CRB2: variants seen among roughly 807,000 people sequenced by gnomAD.
The protein encoded by CRB2 is protein crumbs homolog 2.
In CRB2, 85 loss-of-function variants were observed where a neutral mutation model predicts 110.9. The ratio of observed to expected loss-of-function variants is 0.77; its 90% CI spans 0.64 to 0.92. The LOEUF is 0.92. Ranked by LOEUF, CRB2 falls within the 40% of genes least tolerant of loss-of-function variation. The pLI, the probability that CRB2 is intolerant of heterozygous loss-of-function variation, is 0.00. For synonymous variants in CRB2, 907 were observed against 831.0 expected (o/e 1.09, Z -1.57); for missense variants, 1,843 against 1,851.3 (o/e 1.00, Z 0.08).
chr9:123,365,610 C>T (rs2041919629), intron 2 of CRB2, among the ~76,000 whole-genome samples: 2 of 152,204 alleles, frequency 1.3e-5, no homozygotes, highest in South Asian at 2.1e-4. Flanking sequence ...TTCCCAAGAC[C>T]CAACCCCTTT....
rs780409716 is a variant in CRB2 at position 123,373,432 on chromosome 9, G to A, written c.2901G>A (p.Ala967=). 2.5e-4 allele frequency: 357 copies of A among 1,447,984 alleles called. No homozygotes were observed. The highest frequency in any genetic ancestry group is 3.1e-4 in the Non-Finnish European group (346 of 1,106,132). The allele number at this position is 1,447,984 out of a possible 1,614,324, so 89.7% of individuals were successfully genotyped here. ...TGCGTCTGGCCATGGAGCGCCCGGC[G>A]GCCACCACCTCGCGCTGGCTGCTGT... ...HRVRLAMERP[A]ATTSRWLLWL... is the part of the protein sequence containing the mutation. The change falls in exon 10 of 13, where the codon GCG becomes GCA. Residue 967 remains alanine, a synonymous_variant. Coordinates refer to ENST00000373631, the MANE Select transcript of CRB2 (RefSeq NM_173689.7).
intron 6 of CRB2, chr9:123,368,854 G>C (rs2041975246): frequency 7.9e-7 from 1 of 1,261,236 alleles, no homozygotes. Flanking sequence ...CCCAGCCTCA[G>C]TGCCCGCCCA....
rs759838902 is a variant in CRB2 at position 123,375,266 on chromosome 9, G to A, written c.3556G>A (p.Gly1186Ser). ...TGAAGCCAACCCCTGCTTGAATGGG[G>A]GCACCTGCCGGGCAGCTGGAGGGGT... The part of the protein sequence containing the change: ...PCEANPCLNG[G>S]TCRAAGGVSE... Residue 1186 changes from glycine (G) to serine (S), a missense_variant, in exon 12 of 13, where the codon GGC becomes AGC. Physicochemically the swap from Gly to Ser is moderately conservative, Grantham distance 56. Coordinates refer to ENST00000373631, the MANE Select transcript of CRB2 (RefSeq NM_173689.7). 2.5e-6 allele frequency: 4 copies of A among 1,612,290 alleles called. No individual in the cohort carries two copies. Among genetic ancestry groups the A allele is most frequent in the African/African-American group, 1.3e-5 (1 of 74,886 alleles).
In CRB2 at chr9:123,370,440, C is replaced by A; in HGVS notation, c.1387C>A (p.Leu463Met). 1 of 1,613,456 alleles carries A rather than the reference C, an allele frequency of 6.2e-7. No individual in the cohort carries two copies. Among genetic ancestry groups the A allele is most frequent in the Non-Finnish European group, 8.5e-7 (1 of 1,180,014 alleles). The change falls in exon 7 of 13, where the codon CTG becomes ATG. Residue 463 changes from leucine to methionine, a missense_variant. Leu to Met is a conservative substitution (Grantham distance 15, BLOSUM62 2). Coordinates refer to ENST00000373631, the MANE Select transcript of CRB2 (RefSeq NM_173689.7). The part of the protein sequence containing the change: ...VPAGGPLGLA[L>M]RFRTTLPAGT... ...AGCTGGTGGCCCCCTGGGTCTGGCACTGAGGTTTCGCACCACACTGCCCGC... is the reference window on the plus strand; with the variant it reads ...AGCTGGTGGCCCCCTGGGTCTGGCAATGAGGTTTCGCACCACACTGCCCGC...
chr9:123,360,359 A>T (rs1057478397), intron 1 of CRB2, among the ~76,000 whole-genome samples: 1 of 152,128 alleles, frequency 6.6e-6, no homozygotes, highest in African/African-American at 2.4e-5. Context: ...TTGTAAAGAT[A>T]AGCACAGGCC....
At chr9:123,376,358 T>C (rs1373322093) in intron 12 of CRB2, among the ~76,000 whole-genome samples, 1 of 152,114 alleles carries the variant, frequency 6.6e-6, no homozygotes, top group African/African-American at 2.4e-5. Flanking sequence ...CCAGGGAGGT[T>C]TGCTGGGCTC....
In CRB2 at chr9:123,370,571, C is replaced by T; in HGVS notation, c.1518C>T (p.Val506=). Residue 506 remains valine, a synonymous_variant, in exon 7 of 13, where the codon GTC becomes GTT. Transcript: ENST00000373631. ...GGAGCTACAGCACCACTGTGCTTGT[C>T]CTGAGACTGCCGGACCTGGCCCTAA... The part of the protein sequence containing the change: ...TLWSYSTTVL[V]LRLPDLALND... The T allele has an allele frequency of 6.2e-7, 1 of 1,613,452 alleles. No individual in the cohort carries two copies. The highest frequency in any genetic ancestry group is 8.5e-7 in the Non-Finnish European group (1 of 1,180,030).
chr9:123,362,225 A>C (rs78849952), intron 1 of CRB2, among the ~76,000 whole-genome samples: 1 of 152,162 alleles, frequency 6.6e-6, no homozygotes, highest in Non-Finnish European at 1.5e-5. Context: ...GAAGTTGTCC[A>C]CCCATCCTCC....
chr9:123,367,357 G>C lies in CRB2; in HGVS notation c.940G>C (p.Gly314Arg). The stretch of plus-strand genomic sequence containing the variant: ...GTGCCACTGCCCTCCTGGCTTTGAG[G>C]GTGAGCCCCTGCTGGGGAAGCGGTC... ...FLCHCPPGFE[G>R]ADCGVEVDEC... The change falls in exon 5 of 13, where the codon GGA (glycine) becomes CGA (arginine). Residue 314 changes from glycine (G) to arginine (R), a missense_variant and splice_region_variant. Transcript: ENST00000373631. 1 of 1,599,246 alleles carries C rather than the reference G, an allele frequency of 6.3e-7. No homozygotes were observed. The highest frequency in any genetic ancestry group is 8.5e-7 in the Non-Finnish European group (1 of 1,179,122).
At chr9:123,360,129 A>G (rs574960982) in intron 1 of CRB2, among the ~76,000 whole-genome samples, 1 of 152,350 alleles carries the variant, frequency 6.6e-6, no homozygotes, top group South Asian at 2.1e-4. Flanking sequence ...CTGAGTTACA[A>G]AAACAGAAAT....
In CRB2 at chr9:123,365,939, G is replaced by A. The variant is rs1413288271; in HGVS notation, c.441G>A (p.Val147=). ...GYAGVTCEME[V]DECASAPCLH... is the part of the protein sequence containing the mutation. ...CAGGCGTGACCTGCGAGATGGAGGT[G>A]GACGAGTGCGCCTCAGCGCCCTGCC... Residue 147 remains valine, a synonymous_variant, in exon 3 of 13, where the codon GTG becomes GTA. Transcript: ENST00000373631. 6.3e-7 allele frequency: 1 copy of A among 1,596,438 alleles called. No individual in the cohort carries two copies. Among genetic ancestry groups the A allele is most frequent in the African/African-American group, 1.3e-5 (1 of 74,820 alleles).
Position 123,365,974 on chromosome 9 carries a change from G to C in CRB2, c.476G>C (p.Gly159Ala), listed in dbSNP as rs1105222. The change falls in exon 3 of 13, where the codon GGC becomes GCC. Residue 159 changes from glycine to alanine, a missense_variant. By Grantham distance (60) the Gly-to-Ala change is moderately conservative. Transcript: ENST00000373631. Reference protein sequence around the residue: ...ECASAPCLHGGSCLDGVGSFR... With the variant: ...ECASAPCLHGASCLDGVGSFR... ...GCCTCAGCGCCCTGCCTGCACGGGGGCTCGTGCCTGGACGGCGTGGGCTCC... is the reference window on the plus strand; with the variant it reads ...GCCTCAGCGCCCTGCCTGCACGGGGCCTCGTGCCTGGACGGCGTGGGCTCC... 0.37 allele frequency: 598,279 copies of C among 1,595,748 alleles called. 114,452 individuals carry two copies. Among genetic ancestry groups the C allele is most frequent in the Non-Finnish European group, 0.4 (466,701 of 1,178,142 alleles).
chr9:123,358,665 A>AG (rs1274996430), intron 1 of CRB2, among the ~76,000 whole-genome samples: 1 of 152,214 alleles, frequency 6.6e-6, no homozygotes, highest in Non-Finnish European at 1.5e-5. Flanking sequence ...TAGTTTACAG[A>AG]GGAGGTAAAC....
chr9:123,374,003 G>A (rs1451964202), intron 10 of CRB2, 83 bp downstream of exon 10: 2 of 1,512,626 alleles, frequency 1.3e-6, no homozygotes, highest in African/African-American at 2.8e-5. Flanking sequence ...GTCTGTGGAT[G>A]AGTCGCTTCC....
intron 4 of CRB2, 146 bp from the exon 5 acceptor site, chr9:123,367,026 C>T: frequency 1.4e-6 from 1 of 731,146 alleles, no homozygotes; most frequent in Admixed American, 2.9e-5. Context: ...GTGGTCATTC[C>T]TGCGGCCCTT....
Position 123,374,226 on chromosome 9 carries a change from CG to C in CRB2, c.3389+307del, listed in dbSNP as rs1021680836. 123 of 594,826 alleles carry C rather than the reference CG, an allele frequency of 2.1e-4. No individual in the cohort carries two copies. The African/African-American group carries it at 2.1e-3, about 10-fold the overall frequency. 36.8% of individuals were successfully genotyped at this position (594,826 alleles called of 1,614,324 possible). On this transcript the variant is annotated intron_variant, in intron 10 of 12. Coordinates refer to ENST00000373631, the MANE Select transcript of CRB2 (RefSeq NM_173689.7). ...GTGGAGGGAGGGGGTCAGGCTTTGG[CG>C]CTTCCCTTATTCATCTGGCAGTGGC... is the stretch of plus-strand genomic sequence containing the variant.
Position 123,367,452 on chromosome 9 carries a change from C to T in CRB2, c.940+95C>T. ...CCACCCCCCCCACCCCCCCACCCCA[C>T]ACCCCACACCCGAGTCTGCCCTCTC... On this transcript the variant is annotated intron_variant, in intron 5 of 12. Coordinates refer to ENST00000373631, the MANE Select transcript of CRB2 (RefSeq NM_173689.7). The T allele has an allele frequency of 7.0e-6, 7 of 993,862 alleles. 1 individual carries two copies. Among genetic ancestry groups the T allele is most frequent in the African/African-American group, 2.7e-5 (1 of 36,384 alleles). 61.6% of individuals were successfully genotyped at this position (993,862 alleles called of 1,614,324 possible). A position where few individuals can be genotyped will look rare whatever the true frequency, so the allele number is the denominator to read the frequency against.
Position 123,370,799 on chromosome 9 carries a change from C to T in CRB2, c.1746C>T (p.Asp582=), listed in dbSNP as rs773635836. The T allele has an allele frequency of 5.0e-6, 8 of 1,603,474 alleles. No homozygotes were observed. Among genetic ancestry groups the T allele is most frequent in the East Asian group, 4.5e-5 (2 of 44,868 alleles). ...GDATFAGCLQ[D]VRVDGHLLLP... The stretch of plus-strand genomic sequence containing the variant: ...CGACCTTTGCAGGCTGCCTCCAGGA[C>T]GTGCGTGTGGATGGCCACCTCCTGC... Residue 582 remains aspartate, a synonymous_variant, in exon 7 of 13, where the codon GAC becomes GAT. Coordinates refer to ENST00000373631, the MANE Select transcript of CRB2 (RefSeq NM_173689.7).
chr9:123,371,698 A>G, intron 8 of CRB2, 120 bp downstream of exon 8: 1 of 1,379,180 alleles, frequency 7.3e-7, no homozygotes, highest in Non-Finnish European at 1.0e-6. Flanking sequence ...TCAGGAGGTG[A>G]AGTGACCTGC....
Sources: gnomAD v4.1 joint callset for allele counts (sites outside exome capture counted in the v4.1 genomes callset) on GRCh38, gnomAD v4.1.1 for gene constraint, MANE v1.5 for transcripts, NCBI Gene and HGNC (gene_info 2026-07-23, HGNC 2026-07-21) for gene names.